Variants in TRAF7 observed in about 807,000 individuals in gnomAD.
TRAF7 encodes TNF receptor associated factor 7.
A neutral mutation model predicts 89.3 loss-of-function variants in TRAF7; 45 were observed. That is an observed-to-expected ratio of 0.50 (90% CI 0.40 to 0.65). TRAF7 has a LOEUF of 0.65. Among genes scored for constraint, TRAF7 ranks in the 30% least tolerant of loss-of-function variants. TRAF7 has a pLI of 0.00. For missense variants in TRAF7, 677 were observed against 918.1 expected (o/e 0.74, Z 3.39); for synonymous variants, 406 against 369.2 (o/e 1.10, Z -1.14).
At chr16:2,170,124 A>G (rs2093102109) in intron 4 of TRAF7, among the ~76,000 whole-genome samples, 1 of 152,108 alleles carries the variant, frequency 6.6e-6, no homozygotes, top group Non-Finnish European at 1.5e-5. Flanking sequence ...TGAGCCTCCC[A>G]GCTGGGCCTG....
At position 2,161,220 on chromosome 16, in the gene TRAF7, T is replaced by G. The variant is rs1432705574; in HGVS notation, c.-38-2663T>G. On this transcript the variant is annotated intron_variant, in intron 1 of 20. Coordinates refer to ENST00000326181, the MANE Select transcript of TRAF7 (RefSeq NM_032271.3). The surrounding 1 kb of genome is among the most constrained non-coding windows in gnomAD (Gnocchi z 5.2). ...CCCTCCCTCCCTCCGTCCCCCTGCT[T>G]CCCTCTGCCCCCTCCCTCCCTCCGT... Among the ~76,000 whole-genome samples, 1 of 106,572 alleles carries G rather than the reference T, an allele frequency of 9.4e-6. No homozygotes were observed. The highest frequency in any genetic ancestry group is 1.9e-5 in the Non-Finnish European group (1 of 52,520). 69.9% of individuals were successfully genotyped at this position (106,572 alleles called of 152,430 possible).
chr16:2,170,040 G>C (rs1437311080), intron 4 of TRAF7, among the ~76,000 whole-genome samples: 3 of 152,170 alleles, frequency 2.0e-5, no homozygotes, highest in Non-Finnish European at 1.5e-5. Context: ...CCAGAGGCAG[G>C]CACCTGTGGC....
intron 9 of TRAF7, 41 bp downstream of exon 9, chr16:2,172,640 G>A (rs1225095035): frequency 6.5e-7 from 1 of 1,533,902 alleles, no homozygotes; most frequent in South Asian, 1.2e-5. Context: ...GGTGGGCGCA[G>A]GCCCTCCACA....
chr16:2,173,869 C>T (rs376647945), intron 12 of TRAF7, 33 bp downstream of exon 12: 2 of 1,605,804 alleles, frequency 1.2e-6, no homozygotes, highest in Non-Finnish European at 8.5e-7. Context: ...TCCCGCCCAC[C>T]CTCCCCCCCG....
chr16:2,175,747 G>T, intron 17 of TRAF7, 87 bp from the exon 18 acceptor site: 1 of 1,592,968 alleles, frequency 6.3e-7, no homozygotes. Flanking sequence ...TGGGTGGGCT[G>T]CCCAGCAGTG....
rs2093056981 is a variant in TRAF7 at position 2,161,188 on chromosome 16, TC to T, written c.-38-2693del. On this transcript the variant is annotated intron_variant, in intron 1 of 20. Coordinates refer to ENST00000326181, the MANE Select transcript of TRAF7 (RefSeq NM_032271.3). The surrounding 1 kb of genome is among the most constrained non-coding windows in gnomAD (Gnocchi z 5.2). ...GTATCCCCCTCCTTCCCTCCCTCCTTCCGTCCCCCTCCCTCCCTCCGTCCCC... is the reference window on the plus strand; with the variant it reads ...GTATCCCCCTCCTTCCCTCCCTCCTTCGTCCCCCTCCCTCCCTCCGTCCCC... Among the ~76,000 whole-genome samples the T allele has an allele frequency of 7.5e-6, 1 of 132,904 alleles. No homozygotes were observed. The highest frequency in any genetic ancestry group is 1.6e-5 in the Non-Finnish European group (1 of 61,450). 87.2% of individuals were successfully genotyped at this position (132,904 alleles called of 152,430 possible). A position where few individuals can be genotyped will look rare whatever the true frequency, so the allele number is the denominator to read the frequency against.
At chr16:2,169,173 G>A (rs1018742666) in intron 4 of TRAF7, among the ~76,000 whole-genome samples, 1 of 152,072 alleles carries the variant, frequency 6.6e-6, no homozygotes, top group African/African-American at 2.4e-5. Flanking sequence ...GTAGAGATGG[G>A]GTTTCTCCAT....
Position 2,176,318 on chromosome 16 carries a change from C to A in TRAF7, c.1932C>A (p.Gly644=). Residue 644 remains glycine (G), a synonymous_variant, in exon 20 of 21, where the codon GGC becomes GGA. Coordinates refer to ENST00000326181, the MANE Select transcript of TRAF7 (RefSeq NM_032271.3). The stretch of plus-strand genomic sequence containing the variant: ...CGCAGACCCTGCTGCGTCACCAGGG[C>A]AGTGTCACCGCGCTGGCTGTGTCCC... The part of the protein sequence containing the change: ...ICTQTLLRHQ[G]SVTALAVSRG... The A allele has an allele frequency of 7.5e-6, 12 of 1,604,552 alleles. No individual in the cohort carries two copies. The highest frequency in any genetic ancestry group is 1.7e-5 in the Admixed American group (1 of 59,256).
chr16:2,173,859 T>TGGCCCCCCCCCCCCCC, intron 12 of TRAF7, 23 bp downstream of exon 12: 1 of 1,246,240 alleles, frequency 8.0e-7, no homozygotes, highest in Non-Finnish European at 1.1e-6. Context: ...CCGCCGTGGC[T>TGGCCCCCCCCCCCCCC]CCCGCCCACC....
chr16:2,169,617 G>A (rs1333680906), intron 4 of TRAF7, among the ~76,000 whole-genome samples: 2 of 152,200 alleles, frequency 1.3e-5, no homozygotes, highest in Non-Finnish European at 2.9e-5. Flanking sequence ...GTAGTATTGG[G>A]CAGGCCCGGG....
At chr16:2,171,751 G>T in intron 7 of TRAF7, 146 bp downstream of exon 7, 2 of 1,255,294 alleles carry the variant, frequency 1.6e-6, no homozygotes, top group Non-Finnish European at 2.2e-6. Context: ...GCCGTCCTAG[G>T]GACGCTCAGG....
chr16:2,173,664 G>C, intron 11 of TRAF7, 110 bp downstream of exon 11: 1 of 1,572,552 alleles, frequency 6.4e-7, no homozygotes, highest in African/African-American at 1.4e-5. Flanking sequence ...CAGGGGTCTT[G>C]TGTGTGGCAG....
At chr16:2,171,956 C>T (rs773708310) in intron 7 of TRAF7, among the ~76,000 whole-genome samples, 2 of 152,202 alleles carry the variant, frequency 1.3e-5, no homozygotes, top group Non-Finnish European at 2.9e-5. Flanking sequence ...CGCACTCTGC[C>T]CTCTGCCCTC....
chr16:2,176,739 C>T lies in TRAF7; in HGVS notation c.*165C>T. ...TCCCCGTCCCATGCTCGGCGAGCCTCCCTCTACTCGGCACTGTCCTTGCTG... is the reference window on the plus strand; with the variant it reads ...TCCCCGTCCCATGCTCGGCGAGCCTTCCTCTACTCGGCACTGTCCTTGCTG... On this transcript the variant is annotated 3_prime_UTR_variant, in exon 21 of 21. Coordinates refer to ENST00000326181, the MANE Select transcript of TRAF7 (RefSeq NM_032271.3). 9.8e-7 allele frequency: 1 copy of T among 1,024,968 alleles called. No homozygotes were observed. Among genetic ancestry groups the T allele is most frequent in the South Asian group, 1.4e-5 (1 of 71,786 alleles). 63.5% of individuals were successfully genotyped at this position (1,024,968 alleles called of 1,614,324 possible). A position where few individuals can be genotyped will look rare whatever the true frequency, so the allele number is the denominator to read the frequency against.
intron 2 of TRAF7, among the ~76,000 whole-genome samples, chr16:2,165,614 GGCGCA>G (rs2093082535): frequency 7.0e-6 from 1 of 141,848 alleles, no homozygotes; most frequent in Non-Finnish European, 1.5e-5. Flanking sequence ...AGTGCTGTGT[GGCGCA>G]GCCTGGTCGC....
In TRAF7 at chr16:2,173,568, G is replaced by A. The variant is rs1375825999; in HGVS notation, c.1086+14G>A. The A allele has an allele frequency of 1.2e-6, 2 of 1,611,724 alleles. No individual in the cohort carries two copies. Among genetic ancestry groups the A allele is most frequent in the African/African-American group, 1.3e-5 (1 of 74,908 alleles). ...TCCATGTTAAATGTGAGCGGGCGGG[G>A]CTGGAGGGGCTGGGTTGTGAGACCC... On this transcript the variant is annotated intron_variant, in intron 11 of 20. Coordinates refer to ENST00000326181, the MANE Select transcript of TRAF7 (RefSeq NM_032271.3).
intron 13 of TRAF7, 38 bp downstream of exon 13, chr16:2,174,086 G>T: frequency 6.2e-7 from 1 of 1,609,676 alleles, no homozygotes; most frequent in South Asian, 1.1e-5. Context: ...CAGCCTGGCT[G>T]GGCTGGGCAC....
rs1313301560 is a variant in TRAF7, at chr16:2,170,703, C to T, written c.321C>T (p.Phe107=). ...CCAGCATGTCTCTGCGCTCCACATT[C>T]TCACTGCCCGAGGAGGAGGAGGAGC... ...SESSMSLRST[F]SLPEEEEEPE... is the part of the protein sequence containing the mutation. The change falls in exon 5 of 21, where the codon TTC becomes TTT. Residue 107 remains phenylalanine (F), a synonymous_variant. Coordinates refer to ENST00000326181, the MANE Select transcript of TRAF7 (RefSeq NM_032271.3). 8 of 1,605,988 alleles carry T rather than the reference C, an allele frequency of 5.0e-6. No individual in the cohort carries two copies. The South Asian group carries it at 7.8e-5, about 16-fold the overall frequency.
rs2093050400 is a variant in TRAF7, at chr16:2,159,866, C to T, written c.-39+4008C>T. 6.6e-6 allele frequency among the ~76,000 whole-genome samples: 1 copy of T among 152,238 alleles called. No homozygotes were observed. The highest frequency in any genetic ancestry group is 6.5e-5 in the Admixed American group (1 of 15,294). The stretch of plus-strand genomic sequence containing the variant: ...AGCAGGGAGCTGCATCTGGAAGCCC[C>T]CATCTCCCCCACTCAGCAGGGCCCC... On this transcript the variant is annotated intron_variant, in intron 1 of 20. Transcript: ENST00000326181. This position sits in a 1 kb window ranked among gnomAD's most constrained non-coding sequence, Gnocchi z 6.5.
Sources: gnomAD v4.1 joint callset for allele counts (sites outside exome capture counted in the v4.1 genomes callset) on GRCh38, gnomAD v4.1.1 for gene constraint, Gnocchi (gnomAD v3.1) non-coding constraint, MANE v1.5 for transcripts, NCBI Gene and HGNC (gene_info 2026-07-23, HGNC 2026-07-21) for gene names.